The following VPS13D variants were observed in gnomAD, a reference collection of about 807,000 sequenced individuals.
The protein encoded by VPS13D is intermembrane lipid transfer protein VPS13D.
A neutral mutation model predicts 461.9 loss-of-function variants in VPS13D; 187 were observed. The observed-to-expected ratio is 0.40, with a 90% CI of 0.36 to 0.46. The LOEUF (loss-of-function observed/expected upper bound fraction) is 0.46, where lower values mean the gene tolerates loss of function less well. VPS13D is among the 20% of genes least tolerant of loss of function. The pLI is 0.60. For missense variants in VPS13D, 4,711 were observed against 5,364.9 expected (o/e 0.88, Z 3.81); for synonymous variants, 1,951 against 1,986.3 (o/e 0.98, Z 0.47).
At position 12,300,717 on chromosome 1, in the gene VPS13D, A is replaced by G. The variant is rs1337613280; in HGVS notation, c.6216+1333A>G. 3.9e-5 allele frequency among the ~76,000 whole-genome samples: 6 copies of G among 152,260 alleles called. No individual in the cohort carries two copies. In the East Asian group the frequency reaches 1.2e-3, roughly 29 times the overall value. On this transcript the variant is annotated intron_variant, in intron 25 of 69. Coordinates refer to ENST00000620676, the MANE Select transcript of VPS13D (RefSeq NM_015378.4). The stretch of plus-strand genomic sequence containing the variant: ...GGATTCTTTGAGAATAAACAGTAAA[A>G]ATGGAAACACCTAGTAATTCACAGA...
chr1:12,312,058 T>TCACC, intron 29 of VPS13D, 133 bp downstream of exon 29: 1 of 558,362 alleles, frequency 1.8e-6, no homozygotes. Flanking sequence ...TGTCTTTTGG[T>TCACC]TGATCTACAC....
chr1:12,336,103 C>T, intron 39 of VPS13D: 1 of 347,100 alleles, frequency 2.9e-6, no homozygotes, highest in South Asian at 3.5e-5. Flanking sequence ...TGAACTGGTG[C>T]ACCTGAGAAT....
chr1:12,308,768 C>G, intron 27 of VPS13D, 127 bp downstream of exon 27: 1 of 865,516 alleles, frequency 1.2e-6, no homozygotes, highest in Non-Finnish European at 1.8e-6. Flanking sequence ...TCCTCAGCCT[C>G]AGCCTCCCAA....
chr1:12,231,899 A>C (rs1304177369), intron 1 of VPS13D, among the ~76,000 whole-genome samples: 5 of 152,212 alleles, frequency 3.3e-5, no homozygotes, highest in African/African-American at 1.2e-4. Context: ...GAGGTAGGAG[A>C]ATCGCTTGAA....
chr1:12,231,877 A>T (rs1639986011), intron 1 of VPS13D, among the ~76,000 whole-genome samples: 1 of 152,212 alleles, frequency 6.6e-6, no homozygotes, highest in Non-Finnish European at 1.5e-5. Flanking sequence ...AATCCCAGCT[A>T]CTCAGGAGGC....
intron 60 of VPS13D, among the ~76,000 whole-genome samples, chr1:12,387,047 G>C (rs923382113): frequency 1.3e-5 from 2 of 152,196 alleles, no homozygotes; most frequent in Non-Finnish European, 2.9e-5. Context: ...ATTTAGCCAA[G>C]TATTAGTCAG....
In VPS13D at chr1:12,511,020, G is replaced by C. The variant is rs1646175440; in HGVS notation, c.*1996G>C. On this transcript the variant is annotated 3_prime_UTR_variant, in exon 70 of 70. Transcript: ENST00000620676. This position sits in a 1 kb window ranked among gnomAD's most constrained non-coding sequence, Gnocchi z 4.5. Reference sequence around the variant, plus strand: ...CTTGAAATCTCTTGATGAGATTAAGGAGTTTAGTGTTACTAAGAAAATCTG... The same window carrying C: ...CTTGAAATCTCTTGATGAGATTAAGCAGTTTAGTGTTACTAAGAAAATCTG... The C allele has an allele frequency of 6.6e-6, 1 of 152,184 alleles. No homozygotes were observed. Among genetic ancestry groups the C allele is most frequent in the Admixed American group, 6.5e-5 (1 of 15,272 alleles). The allele number at this position is 152,184 out of a possible 1,614,324, so 9.4% of individuals were successfully genotyped here. A position where few individuals can be genotyped will look rare whatever the true frequency, so the allele number is the denominator to read the frequency against.
At position 12,358,580 on chromosome 1, in the gene VPS13D, C is replaced by A; in HGVS notation, c.10120C>A (p.Pro3374Thr). ...ALKVIQQGNR[P>T]GLIYNIGIDV... Reference sequence around the variant, plus strand: ...GAAAGTCATCCAGCAAGGAAACCGCCCAGGGCTGATCTATAACATTGGTGG... The same window carrying A: ...GAAAGTCATCCAGCAAGGAAACCGCACAGGGCTGATCTATAACATTGGTGG... Residue 3374 changes from proline to threonine, a missense_variant, in exon 50 of 70, where the codon CCA becomes ACA. By Grantham distance (38) the Pro-to-Thr change is conservative. Transcript: ENST00000620676. 2 of 1,614,106 alleles carry A rather than the reference C, an allele frequency of 1.2e-6. No homozygotes were observed. Among genetic ancestry groups the A allele is most frequent in the Non-Finnish European group, 1.7e-6 (2 of 1,180,022 alleles).
chr1:12,420,381 A>G (rs1644847612), intron 65 of VPS13D, among the ~76,000 whole-genome samples: 1 of 152,202 alleles, frequency 6.6e-6, no homozygotes, highest in Non-Finnish European at 1.5e-5. Flanking sequence ...GCCTGTGTCA[A>G]TTATTGCTTT....
intron 63 of VPS13D, chr1:12,407,231 C>G (rs1255471845): frequency 6.6e-6 from 1 of 152,140 alleles, no homozygotes; most frequent in Non-Finnish European, 1.5e-5. Flanking sequence ...CATAAATAAA[C>G]CTTTAAAGAA....
rs149349807 is a variant in VPS13D, at chr1:12,469,204, T to A, written c.12662+8808T>A. Among the ~76,000 whole-genome samples the A allele has an allele frequency of 5.7e-3, 864 of 152,310 alleles. 8 individuals carry two copies. The highest frequency in any genetic ancestry group is 0.02 in the African/African-American group (815 of 41,570). On this transcript the variant is annotated intron_variant, in intron 67 of 69. Coordinates refer to ENST00000620676, the MANE Select transcript of VPS13D (RefSeq NM_015378.4). ...ATGGGTTCTTTTAGAACAGAGGGTC[T>A]CAAAATACGGTCTAGGGACCCCCTG...
rs551551231 is a variant in VPS13D, at chr1:12,291,214, T to A, written c.5852+90T>A. 1.4e-4 allele frequency: 199 copies of A among 1,438,362 alleles called. No individual in the cohort carries two copies. In the African/African-American group the frequency reaches 1.4e-3, roughly 10 times the overall value. 89.1% of individuals were successfully genotyped at this position (1,438,362 alleles called of 1,614,324 possible). The stretch of plus-strand genomic sequence containing the variant: ...TTGGCTAGACAATAAAGAAAACTTT[T>A]AAAAATTTTTACCTTCTTAGAGGTG... On this transcript the variant is annotated intron_variant, in intron 23 of 69. Transcript: ENST00000620676.
At chr1:12,483,724 G>A (rs1427692066) in intron 67 of VPS13D, among the ~76,000 whole-genome samples, 1 of 151,484 alleles carries the variant, frequency 6.6e-6, no homozygotes, top group Non-Finnish European at 1.5e-5. Flanking sequence ...CTTCAGCCAG[G>A]CACGGTGGCT....
At chr1:12,379,462 G>A in intron 56 of VPS13D, 26 bp from the exon 57 acceptor site, 1 of 1,603,388 alleles carries the variant, frequency 6.2e-7, no homozygotes, top group Non-Finnish European at 8.5e-7. Flanking sequence ...GAGGTTTCAT[G>A]GTTCATTGTG....
intron 5 of VPS13D, among the ~76,000 whole-genome samples, chr1:12,246,311 C>T (rs567100713): frequency 2.0e-4 from 30 of 152,276 alleles, no homozygotes; most frequent in African/African-American, 7.0e-4. Context: ...TTAAGAAAGA[C>T]ACTCCTGAGC....
intron 7 of VPS13D, among the ~76,000 whole-genome samples, chr1:12,254,911 A>G (rs1243748282): frequency 6.6e-6 from 1 of 151,184 alleles, no homozygotes; most frequent in Admixed American, 6.6e-5. Context: ...ACCCAGGGTT[A>G]TCTTTCACTT....
chr1:12,267,908 G>T lies in VPS13D; in HGVS notation c.1789G>T (p.Asp597Tyr), dbSNP rs1295111044. The change falls in exon 15 of 70, where the codon GAT (aspartate) becomes TAT (tyrosine). Residue 597 changes from aspartate to tyrosine, a missense_variant. Around this residue, in one of 3 missense-constraint regions of VPS13D, gnomAD observed 4,411 missense variants for 4,937.8 expected, o/e 0.89. Coordinates refer to ENST00000620676, the MANE Select transcript of VPS13D (RefSeq NM_015378.4). ...ACAAACTACATCTGCAGACAGAAGT[G>T]ATCATTACCCAGGTAATTTGTCCTA... ...GLQTTSADRS[D>Y]HYPAADPDGP... is the part of the protein sequence containing the mutation. 2 of 1,613,678 alleles carry T rather than the reference G, an allele frequency of 1.2e-6. No homozygotes were observed. Among genetic ancestry groups the T allele is most frequent in the East Asian group, 4.5e-5 (2 of 44,856 alleles).
At position 12,256,456 on chromosome 1, in the gene VPS13D, A is replaced by G. The variant is rs531168507; in HGVS notation, c.793A>G (p.Ile265Val). Residue 265 changes from isoleucine to valine, a missense_variant, in exon 8 of 70, where the codon ATT becomes GTT. Around this residue, in one of 3 missense-constraint regions of VPS13D, gnomAD observed 4,411 missense variants for 4,937.8 expected, o/e 0.89. Coordinates refer to ENST00000620676, the MANE Select transcript of VPS13D (RefSeq NM_015378.4). ...CCTGCGGTCTCGGCACAGTCCCCGT[A>G]TTGATTGTGATATTCAGCTGGAGAC... The part of the protein sequence containing the change: ...KPLRSRHSPR[I>V]DCDIQLETIP... The G allele has an allele frequency of 5.0e-6, 8 of 1,614,132 alleles. No homozygotes were observed. The highest frequency in any genetic ancestry group is 1.7e-5 in the Admixed American group (1 of 60,018).
At chr1:12,297,693 T>G (rs987658980) in intron 24 of VPS13D, among the ~76,000 whole-genome samples, 2 of 152,212 alleles carry the variant, frequency 1.3e-5, no homozygotes, top group Non-Finnish European at 2.9e-5. Flanking sequence ...GTTTGTTCAT[T>G]TCTTCAGTAA....
Sources: gnomAD v4.1 joint callset for allele counts (sites outside exome capture counted in the v4.1 genomes callset) on GRCh38, gnomAD v4.1.1 for gene constraint, gnomAD v4.1.1 regional missense constraint, Gnocchi (gnomAD v3.1) non-coding constraint, MANE v1.5 for transcripts, NCBI Gene and HGNC (gene_info 2026-07-23, HGNC 2026-07-21) for gene names.